Variants in GPC4 observed in about 807,000 individuals in gnomAD.
GPC4 encodes glypican 4, also known as glypican-4.
A neutral mutation model predicts 35.0 loss-of-function variants in GPC4; 10 were observed. The ratio of observed to expected loss-of-function variants is 0.29; its 90% confidence interval spans 0.18 to 0.48. The LOEUF is 0.48. Among genes scored for constraint, GPC4 ranks in the 20% least tolerant of loss-of-function variants. The pLI is 0.99. For missense variants in GPC4, 322 were observed against 451.3 expected (o/e 0.71, Z 2.60); for synonymous variants, 167 against 170.2 (o/e 0.98, Z 0.15).
In GPC4 at chrX:133,355,257, T is replaced by G. The variant is rs772917192; in HGVS notation, c.161-15916A>C. On this transcript the variant is annotated intron_variant, in intron 1 of 8. Transcript: ENST00000370828. ...TCATGCAGAATGACTATACTAGAAC[T>G]GCATGAGCTTGAAAAAGAACAATAG... Among the ~76,000 whole-genome samples, 8 of 112,256 alleles carry G rather than the reference T, an allele frequency of 7.1e-5. No homozygotes were observed. The South Asian group carries it at 3.0e-3, about 42-fold the overall frequency.
At chrX:133,412,458 T>C (rs1487021183) in intron 1 of GPC4, among the ~76,000 whole-genome samples, 1 of 112,009 alleles carries the variant, frequency 8.9e-6, no homozygotes, top group Non-Finnish European at 1.9e-5. Flanking sequence ...TTGCACTGCA[T>C]GAGCTAAAGT....
chrX:133,319,443 CAAAAAAAAAAAAAAAA>C lies in GPC4; in HGVS notation c.711+4686_711+4701del, dbSNP rs369290840. Among the ~76,000 whole-genome samples the C allele has an allele frequency of 7.7e-4, 13 of 16,889 alleles. No individual in the cohort carries two copies. In the South Asian group the frequency reaches 0.049, roughly 64 times the overall value. 14.7% of individuals were successfully genotyped at this position (16,889 alleles called of 115,157 possible). Reference sequence around the variant, plus strand: ...TGGGTGACAGAGCAAGACCCTATGTCAAAAAAAAAAAAAAAAAAAAAAAAAAAAGAAAGAAGGAAAG... The same window carrying C: ...TGGGTGACAGAGCAAGACCCTATGTCAAAAAAAAAAAAGAAAGAAGGAAAG... On this transcript the variant is annotated intron_variant, in intron 3 of 8. Coordinates refer to ENST00000370828, the MANE Select transcript of GPC4 (RefSeq NM_001448.3).
At chrX:133,351,035 TC>T (rs2068513783) in intron 1 of GPC4, among the ~76,000 whole-genome samples, 5 of 112,751 alleles carry the variant, frequency 4.4e-5, no homozygotes, top group Non-Finnish European at 9.4e-5. Context: ...TCACCCATTA[TC>T]TAAAGCCCTA....
intron 1 of GPC4, among the ~76,000 whole-genome samples, chrX:133,358,070 A>G (rs2068550017): frequency 8.9e-6 from 1 of 112,377 alleles, no homozygotes; most frequent in African/African-American, 3.2e-5. Flanking sequence ...TCCCTTGATA[A>G]AAATTCAGGC....
chrX:133,318,501 GGACA>G lies in GPC4; in HGVS notation c.711+5640_711+5643del, dbSNP rs771195527. 5.9e-3 allele frequency among the ~76,000 whole-genome samples: 663 copies of G among 111,757 alleles called. 3 individuals carry two copies. Among genetic ancestry groups the G allele is most frequent in the African/African-American group, 0.021 (641 of 30,735 alleles). ...AGCAATGAAAATTGTTTTCAAGGCAGGACAGTCATTTAGACATCCCAATGGTGAG... is the reference window on the plus strand; with the variant it reads ...AGCAATGAAAATTGTTTTCAAGGCAGGTCATTTAGACATCCCAATGGTGAG... On this transcript the variant is annotated intron_variant, in intron 3 of 8. Coordinates refer to ENST00000370828, the MANE Select transcript of GPC4 (RefSeq NM_001448.3).
intron 1 of GPC4, 134 bp from the exon 2 acceptor site, chrX:133,339,475 C>A: frequency 2.2e-6 from 1 of 462,835 alleles, no homozygotes; most frequent in Non-Finnish European, 3.4e-6. Context: ...CTAACAAGTT[C>A]CAGGAAGTCT....
At chrX:133,337,029 G>A (rs748406149) in intron 2 of GPC4, among the ~76,000 whole-genome samples, 16 of 111,008 alleles carry the variant, frequency 1.4e-4, no homozygotes, top group Admixed American at 4.8e-4. Context: ...ACATTGCTCA[G>A]GCTGGTCTCG....
intron 1 of GPC4, among the ~76,000 whole-genome samples, chrX:133,377,541 T>C (rs1336630647): frequency 1.8e-4 from 20 of 112,403 alleles, no homozygotes; most frequent in African/African-American, 6.5e-4. Context: ...CATCCATCAG[T>C]TGGAACTTCA....
At chrX:133,309,158 G>A (rs1194970880) in intron 4 of GPC4, among the ~76,000 whole-genome samples, 1 of 111,490 alleles carries the variant, frequency 9.0e-6, no homozygotes, top group Non-Finnish European at 1.9e-5. Flanking sequence ...TTTTATATCT[G>A]CTTATTAGAA....
chrX:133,346,115 T>C (rs770543326), intron 1 of GPC4, among the ~76,000 whole-genome samples: 7 of 111,318 alleles, frequency 6.3e-5, no homozygotes, highest in African/African-American at 2.3e-4. Context: ...TACACTCCTA[T>C]GCAAATGTCT....
intron 1 of GPC4, among the ~76,000 whole-genome samples, chrX:133,362,147 G>A (rs544823665): frequency 3.7e-5 from 4 of 108,332 alleles, no homozygotes; most frequent in South Asian, 8.5e-4. Context: ...CCAGGAGGTC[G>A]AGGCTTCAGT....
intron 3 of GPC4, among the ~76,000 whole-genome samples, chrX:133,313,397 T>C (rs900771029): frequency 3.5e-5 from 4 of 112,866 alleles, no homozygotes; most frequent in Non-Finnish European, 7.5e-5. Flanking sequence ...TTCCCAAATG[T>C]TTTCCTAGGC....
intron 3 of GPC4, among the ~76,000 whole-genome samples, chrX:133,313,840 T>C (rs1379837574): frequency 8.9e-6 from 1 of 112,406 alleles, no homozygotes; most frequent in African/African-American, 3.2e-5. Context: ...GACAGGAAAC[T>C]GTAATCTTAG....
intron 3 of GPC4, among the ~76,000 whole-genome samples, chrX:133,320,316 G>C (rs2068358094): frequency 9.0e-6 from 1 of 111,634 alleles, no homozygotes; most frequent in Admixed American, 9.5e-5. Flanking sequence ...AAAATTGTTA[G>C]GGTTATATTT....
intron 2 of GPC4, among the ~76,000 whole-genome samples, chrX:133,325,102 A>G (rs1321820646): frequency 9.0e-6 from 1 of 111,271 alleles, no homozygotes; most frequent in East Asian, 2.8e-4. Context: ...CAAAAAACAT[A>G]ATCAAACACC....
chrX:133,412,297 T>C (rs879213984), intron 1 of GPC4, among the ~76,000 whole-genome samples: 1 of 112,242 alleles, frequency 8.9e-6, no homozygotes, highest in African/African-American at 3.2e-5. Context: ...TGGTAAAGAT[T>C]ACGCCTGTTT....
At chrX:133,358,575 T>C (rs1043355170) in intron 1 of GPC4, among the ~76,000 whole-genome samples, 2 of 112,199 alleles carry the variant, frequency 1.8e-5, no homozygotes, top group Admixed American at 1.9e-4. Context: ...GATAAATGTA[T>C]GTCAAATAAA....
At chrX:133,375,329 A>G (rs1451778398) in intron 1 of GPC4, among the ~76,000 whole-genome samples, 2 of 112,043 alleles carry the variant, frequency 1.8e-5, no homozygotes, top group African/African-American at 6.5e-5. Context: ...AAAAAGATGT[A>G]TAAAGGCATT....
intron 2 of GPC4, among the ~76,000 whole-genome samples, chrX:133,334,511 C>T (rs1325186779): frequency 9.0e-6 from 1 of 111,575 alleles, no homozygotes; most frequent in Non-Finnish European, 1.9e-5. Flanking sequence ...ATAGAGGGTA[C>T]CATACAGACG....
Sources: gnomAD v4.1 joint callset for allele counts (sites outside exome capture counted in the v4.1 genomes callset) on GRCh38, gnomAD v4.1.1 for gene constraint, MANE v1.5 for transcripts, NCBI Gene and HGNC (gene_info 2026-07-23, HGNC 2026-07-21) for gene names.